The following KIN variants were observed in gnomAD, a reference collection of about 807,000 sequenced individuals.
KIN encodes the protein Kin17 DNA and RNA binding protein.
A neutral mutation model predicts 63.0 loss-of-function variants in KIN; 47 were observed. The observed-to-expected ratio is 0.75, with a 90% confidence interval of 0.59 to 0.95. The LOEUF (loss-of-function observed/expected upper bound fraction) is 0.95, where lower values mean the gene tolerates loss of function less well. Ranked by LOEUF, KIN falls within the 40% of genes least tolerant of loss-of-function variation. The pLI, the probability that KIN is intolerant of heterozygous loss-of-function variation, is 0.00. For missense variants in KIN, 408 were observed against 460.9 expected (o/e 0.89, Z 1.05); for synonymous variants, 160 against 157.7 (o/e 1.01, Z -0.11).
intron 6 of KIN, among the ~76,000 whole-genome samples, chr10:7,775,345 T>TG (rs1480035246): frequency 6.6e-6 from 1 of 151,762 alleles, no homozygotes; most frequent in African/African-American, 2.4e-5. Context: ...AAGGGAGGAG[T>TG]GTCTTCTTGG....
intron 10 of KIN, among the ~76,000 whole-genome samples, chr10:7,763,085 G>C (rs112153752): frequency 6.6e-6 from 1 of 151,784 alleles, no homozygotes; most frequent in African/African-American, 2.4e-5. Flanking sequence ...GTGAAACCCC[G>C]TTTCTACTAA....
chr10:7,758,137 A>G (rs949181229), intron 12 of KIN, among the ~76,000 whole-genome samples: 3 of 151,262 alleles, frequency 2.0e-5, no homozygotes, highest in African/African-American at 7.3e-5. Context: ...AAGTGGCGCA[A>G]TCTTGGCTCA....
At chr10:7,774,738 A>G (rs753783652) in intron 7 of KIN, 93 bp downstream of exon 7, 6 of 1,023,048 alleles carry the variant, frequency 5.9e-6, no homozygotes, top group African/African-American at 1.6e-5. Context: ...AACTACAACT[A>G]GAAAAAAATG....
chr10:7,780,656 C>T (rs1454443609), intron 2 of KIN, among the ~76,000 whole-genome samples: 1 of 152,194 alleles, frequency 6.6e-6, no homozygotes, highest in African/African-American at 2.4e-5. Context: ...CTGCCTCAGC[C>T]TCCCAAGGTG....
chr10:7,787,871 C>T lies in KIN; in HGVS notation c.63G>A (p.Leu21=). The stretch of plus-strand genomic sequence containing the variant: ...TCTGGCAATACCAGCGTAGCTTCTG[C>T]AGCCCCTTGGACTTGATCCTGTTGG... ...AIANRIKSKG[L]QKLRWYCQMC... is the part of the protein sequence containing the mutation. The change falls in exon 1 of 13, where the codon CTG becomes CTA. Residue 21 remains leucine, a synonymous_variant. Transcript: ENST00000379562. The T allele has an allele frequency of 3.1e-6, 5 of 1,614,222 alleles. No individual in the cohort carries two copies. Among genetic ancestry groups the T allele is most frequent in the Non-Finnish European group, 4.2e-6 (5 of 1,180,004 alleles).
chr10:7,780,219 T>C (rs1392433352), intron 3 of KIN, 41 bp from the exon 4 acceptor site: 2 of 1,611,470 alleles, frequency 1.2e-6, no homozygotes, highest in Non-Finnish European at 1.7e-6. Flanking sequence ...CAGAAGATTA[T>C]GCCATTTATA....
chr10:7,756,197 A>G, intron 12 of KIN, 55 bp from the exon 13 acceptor site: 1 of 1,026,102 alleles, frequency 9.7e-7, no homozygotes, highest in South Asian at 1.7e-5. Flanking sequence ...CTAAAAGACA[A>G]AAAAATGACA....
intron 1 of KIN, among the ~76,000 whole-genome samples, chr10:7,783,728 A>G: frequency 6.6e-6 from 1 of 152,116 alleles, no homozygotes. Flanking sequence ...CCTCTCCTTA[A>G]TATTTGACCC....
intron 10 of KIN, among the ~76,000 whole-genome samples, chr10:7,762,955 A>G (rs1835466476): frequency 6.6e-6 from 1 of 152,178 alleles, no homozygotes; most frequent in African/African-American, 2.4e-5. Context: ...ATTGATACAA[A>G]CTTTAAAATC....
At chr10:7,783,413 A>G (rs1051002690) in intron 1 of KIN, among the ~76,000 whole-genome samples, 5 of 152,236 alleles carry the variant, frequency 3.3e-5, no homozygotes, top group African/African-American at 1.2e-4. Context: ...AGAGTGTTGT[A>G]GAAAACAGAC....
At position 7,752,335 on chromosome 10, in the gene KIN, T is replaced by A. The variant is rs979744782; in HGVS notation, c.*3745A>T. ...GCCCATGAAAAGATGCTCCACATCA[T>A]ACTTCATCAAAGAAATGCAAATTAA... is the stretch of plus-strand genomic sequence containing the variant. On this transcript the variant is annotated 3_prime_UTR_variant, in exon 13 of 13. Transcript: ENST00000379562. The A allele has an allele frequency of 6.6e-5, 10 of 152,208 alleles. No homozygotes were observed. The highest frequency in any genetic ancestry group is 5.9e-5 in the Non-Finnish European group (4 of 68,044). The allele number at this position is 152,208 out of a possible 1,614,324, so 9.4% of individuals were successfully genotyped here.
intron 8 of KIN, 41 bp from the exon 9 acceptor site, chr10:7,766,144 C>A (rs765710545): frequency 7.1e-7 from 1 of 1,404,260 alleles, no homozygotes; most frequent in East Asian, 2.3e-5. Flanking sequence ...CCCTAAAATC[C>A]TCATTGGATT....
intron 12 of KIN, among the ~76,000 whole-genome samples, chr10:7,758,176 G>A (rs905918740): frequency 1.3e-5 from 2 of 151,476 alleles, no homozygotes; most frequent in African/African-American, 4.9e-5. Context: ...AGGTTCAAGC[G>A]ATTCTCCTGC....
intron 5 of KIN, among the ~76,000 whole-genome samples, chr10:7,778,188 A>G (rs544763386): frequency 2.0e-5 from 3 of 152,130 alleles, no homozygotes; most frequent in African/African-American, 4.8e-5. Context: ...ATGTTTCCAC[A>G]TGCTGCATTT....
At chr10:7,775,578 C>T (rs1319078060) in intron 6 of KIN, among the ~76,000 whole-genome samples, 173 bp downstream of exon 6, 1 of 152,120 alleles carries the variant, frequency 6.6e-6, no homozygotes, top group East Asian at 1.9e-4. Context: ...GTGGCTTCAG[C>T]TATCCTATCC....
chr10:7,768,371 C>G (rs770246052), intron 8 of KIN, among the ~76,000 whole-genome samples: 1 of 151,840 alleles, frequency 6.6e-6, no homozygotes, highest in African/African-American at 2.4e-5. Flanking sequence ...AATACAAAAA[C>G]TAGCTGGGTA....
At chr10:7,772,187 A>G (rs1835680238) in intron 7 of KIN, among the ~76,000 whole-genome samples, 1 of 152,230 alleles carries the variant, frequency 6.6e-6, no homozygotes, top group South Asian at 2.1e-4. Context: ...AGGTCATCTT[A>G]GAGATGCTGA....
chr10:7,756,753 T>C (rs530261351), intron 12 of KIN, among the ~76,000 whole-genome samples: 6 of 90,272 alleles, frequency 6.6e-5, no homozygotes, highest in African/African-American at 2.5e-4. Context: ...TTATAGGAAA[T>C]ATCATTTTGT....
rs1008140261 is a variant in KIN at position 7,755,545 on chromosome 10, G to C, written c.*535C>G. 6.6e-6 allele frequency: 1 copy of C among 152,202 alleles called. No homozygotes were observed. The highest frequency in any genetic ancestry group is 2.4e-5 in the African/African-American group (1 of 41,444). The allele number at this position is 152,202 out of a possible 1,614,324, so 9.4% of individuals were successfully genotyped here. On this transcript the variant is annotated 3_prime_UTR_variant, in exon 13 of 13. Transcript: ENST00000379562. ...AAGGGTTTCATTTTGGGGTATGAAA[G>C]TGTTTTAAAATCAGACAGTGGTGAT...
Sources: gnomAD v4.1 joint callset for allele counts (sites outside exome capture counted in the v4.1 genomes callset) on GRCh38, gnomAD v4.1.1 for gene constraint, MANE v1.5 for transcripts, NCBI Gene and HGNC (gene_info 2026-07-23, HGNC 2026-07-21) for gene names.